Variants in FOXP1 observed in about 807,000 individuals in gnomAD.
FOXP1 encodes the protein forkhead box P1.
A neutral mutation model predicts 98.2 loss-of-function variants in FOXP1; 15 were observed. The ratio of observed to expected loss-of-function variants is 0.15; its 90% CI spans 0.10 to 0.24. The LOEUF is 0.24. Among genes scored for constraint, FOXP1 ranks in the 10% least tolerant of loss-of-function variants. The pLI is 1.00. For synonymous variants in FOXP1, 371 were observed against 314.5 expected (o/e 1.18, Z -1.90); for missense variants, 633 against 848.5 (o/e 0.75, Z 3.15).
intron 2 of FOXP1, among the ~76,000 whole-genome samples, chr3:71,503,503 A>C (rs2041562830): frequency 6.6e-6 from 1 of 151,336 alleles, no homozygotes. Flanking sequence ...CGGGAGGTTG[A>C]GACAGGAGAA....
intron 3 of FOXP1, among the ~76,000 whole-genome samples, chr3:71,378,188 T>G (rs1018338035): frequency 6.1e-4 from 46 of 75,266 alleles, no homozygotes; most frequent in African/African-American, 1.7e-3. Flanking sequence ...AGAGACTCTT[T>G]TCTGGGTCGC....
chr3:71,142,142 C>CA (rs5849992), intron 6 of FOXP1, among the ~76,000 whole-genome samples: 2 of 150,584 alleles, frequency 1.3e-5, no homozygotes, highest in African/African-American at 2.4e-5. Flanking sequence ...TGTTGACAAA[C>CA]AAAAAAAAAA....
chr3:70,976,678 C>G (rs2037616059), intron 17 of FOXP1, among the ~76,000 whole-genome samples: 1 of 152,188 alleles, frequency 6.6e-6, no homozygotes, highest in Admixed American at 6.5e-5. Flanking sequence ...GTCTCCTTTT[C>G]TCTACATATT....
At chr3:71,370,801 T>G (rs1056513555) in intron 3 of FOXP1, among the ~76,000 whole-genome samples, 7 of 148,248 alleles carry the variant, frequency 4.7e-5, no homozygotes, top group South Asian at 2.2e-4. Flanking sequence ...TTTTGTTGTT[T>G]TTTTTTTTTT....
At chr3:71,174,827 C>CACACACACACACACACACACACACACACA in intron 6 of FOXP1, among the ~76,000 whole-genome samples, 1 of 142,314 alleles carries the variant, frequency 7.0e-6, no homozygotes, top group Admixed American at 7.2e-5. Context: ...CACACACACA[C>CACACACACACACACACACACACACACACA]CCCAATATAC....
intron 6 of FOXP1, among the ~76,000 whole-genome samples, chr3:71,186,604 G>A (rs1449546920): frequency 6.6e-6 from 1 of 152,192 alleles, no homozygotes; most frequent in Non-Finnish European, 1.5e-5. Flanking sequence ...CCAGCTACTT[G>A]GGAGGCTGAG....
At chr3:71,581,289 C>A (rs2107891682) in intron 2 of FOXP1, 2 of 985,298 alleles carry the variant, frequency 2.0e-6, no homozygotes, top group South Asian at 4.7e-5. Context: ...CATATTTTAT[C>A]GGAGCACTTT....
At chr3:71,351,817 T>G (rs564068544) in intron 4 of FOXP1, among the ~76,000 whole-genome samples, 7 of 152,236 alleles carry the variant, frequency 4.6e-5, no homozygotes, top group Non-Finnish European at 8.8e-5. Flanking sequence ...AAATGAGGGC[T>G]AGAGAGATGA....
chr3:71,402,819 T>C (rs1258893616), intron 3 of FOXP1, among the ~76,000 whole-genome samples: 1 of 152,234 alleles, frequency 6.6e-6, no homozygotes, highest in African/African-American at 2.4e-5. Flanking sequence ...GTTTTAAATA[T>C]ATCTAAAAGC....
intron 7 of FOXP1, among the ~76,000 whole-genome samples, chr3:71,086,800 CT>C (rs2055151812): frequency 6.6e-6 from 1 of 152,236 alleles, no homozygotes; most frequent in Non-Finnish European, 1.5e-5. Context: ...CCATCACTTG[CT>C]TCCACTCCCG....
chr3:71,288,282 T>C (rs2072383689), intron 5 of FOXP1: 1 of 152,212 alleles, frequency 6.6e-6, no homozygotes, highest in Non-Finnish European at 1.5e-5. Context: ...AGCATCCATA[T>C]AGAGATAATG....
At chr3:71,533,232 A>G (rs1030364731) in intron 2 of FOXP1, among the ~76,000 whole-genome samples, 1 of 152,208 alleles carries the variant, frequency 6.6e-6, no homozygotes, top group African/African-American at 2.4e-5. Context: ...CTGGGTTGGA[A>G]GTGCACAGGC....
intron 3 of FOXP1, among the ~76,000 whole-genome samples, chr3:71,383,873 G>C (rs1041742404): frequency 1.7e-4 from 26 of 152,190 alleles, no homozygotes; most frequent in African/African-American, 6.0e-4. Flanking sequence ...CAGGCAATTT[G>C]GAGGTCATGA....
chr3:71,561,647 G>C (rs909073069), intron 2 of FOXP1, among the ~76,000 whole-genome samples: 1 of 152,168 alleles, frequency 6.6e-6, no homozygotes, highest in African/African-American at 2.4e-5. Context: ...TTACAACAGC[G>C]CTGGCACTCA....
chr3:71,039,552 C>T (rs1409108699), intron 11 of FOXP1, among the ~76,000 whole-genome samples: 1 of 152,132 alleles, frequency 6.6e-6, no homozygotes, highest in Non-Finnish European at 1.5e-5. Context: ...GGCTCCACAA[C>T]AGCCGATGAG....
intron 6 of FOXP1, among the ~76,000 whole-genome samples, chr3:71,174,213 G>A (rs1392761488): frequency 6.6e-6 from 1 of 152,182 alleles, no homozygotes; most frequent in Non-Finnish European, 1.5e-5. Context: ...AGAGTTTACA[G>A]ATCCTTATTG....
At chr3:71,157,602 T>TA (rs1255643739) in intron 6 of FOXP1, among the ~76,000 whole-genome samples, 1 of 152,256 alleles carries the variant, frequency 6.6e-6, no homozygotes, top group Non-Finnish European at 1.5e-5. Flanking sequence ...ATGCCAGTAA[T>TA]ATCCAGTGTA....
At chr3:71,094,854 G>A (rs1335896689) in intron 7 of FOXP1, among the ~76,000 whole-genome samples, 2 of 152,198 alleles carry the variant, frequency 1.3e-5, no homozygotes, top group Non-Finnish European at 2.9e-5. Context: ...ACCATCAGCT[G>A]AGCAGACAGA....
In FOXP1 at chr3:71,340,849, T is replaced by G. The variant is rs79460944; in HGVS notation, c.-73+18301A>C. 6.9e-3 allele frequency among the ~76,000 whole-genome samples: 1,058 copies of G among 152,318 alleles called. 30 individuals are homozygous for G. Among genetic ancestry groups the G allele is most frequent in the Non-Finnish European group, 4.1e-3 (281 of 68,028 alleles). ...TATAAAACTAAACTTTTTCAGAGAG[T>G]GTTTTAATTCTTAAACACTAAAGCT... On this transcript the variant is annotated intron_variant, in intron 4 of 20. Coordinates refer to ENST00000649528, the MANE Select transcript of FOXP1 (RefSeq NM_001349338.3).
Sources: gnomAD v4.1 joint callset for allele counts (sites outside exome capture counted in the v4.1 genomes callset) on GRCh38, gnomAD v4.1.1 for gene constraint, MANE v1.5 for transcripts, NCBI Gene and HGNC (gene_info 2026-07-23, HGNC 2026-07-21) for gene names.